Variants in ZNF676 observed in about 807,000 individuals in gnomAD.
The protein encoded by ZNF676 is zinc finger protein 676.
Under a neutral mutation model 6.0 loss-of-function variants are expected in ZNF676, and 4 were observed. The ratio of observed to expected loss-of-function variants is 0.67; its 90% CI spans 0.33 to 1.53. The LOEUF (loss-of-function observed/expected upper bound fraction) is 1.53, where lower values mean the gene tolerates loss of function less well. Among genes scored for constraint, ZNF676 ranks in the 40% most tolerant of loss-of-function variants. The pLI, the probability that ZNF676 is intolerant of heterozygous loss-of-function variation, is 0.06. For missense variants in ZNF676, 644 were observed against 679.7 expected, an observed-to-expected ratio of 0.95 and a Z score of 0.58; for synonymous variants, 198 against 223.1, an observed-to-expected ratio of 0.89 and a Z score of 1.00.
chr19:22,230,818 C>A, the ZNF676 span, among the ~76,000 whole-genome samples: 1 of 151,610 alleles, frequency 6.6e-6, no homozygotes, highest in African/African-American at 2.4e-5. Context: ...GCCACCACAC[C>A]CGGCTAATTT....
At chr19:22,190,666 CAT>C (rs72283278) in intron 2 of ZNF676, among the ~76,000 whole-genome samples, 10,489 of 40,058 alleles carry the variant, frequency 0.26, 1,662 homozygotes, top group African/African-American at 0.44. Context: ...TATATATATA[CAT>C]ACACACTTTA....
the ZNF676 span, among the ~76,000 whole-genome samples, chr19:22,225,917 TG>T: frequency 6.6e-6 from 1 of 152,298 alleles, no homozygotes; most frequent in East Asian, 1.9e-4. Flanking sequence ...AAGTTTTTTT[TG>T]ATGTGCAAAA....
chr19:22,201,844 A>G (rs1034468598), upstream of ZNF676, among the ~76,000 whole-genome samples: 1 of 152,052 alleles, frequency 6.6e-6, no homozygotes, highest in Non-Finnish European at 1.5e-5. Flanking sequence ...GATTGCATAT[A>G]CATCAAGGTT....
At chr19:22,184,826 GAAAAAAAAAAA>G (rs144833243) in intron 2 of ZNF676, among the ~76,000 whole-genome samples, 8 of 52,682 alleles carry the variant, frequency 1.5e-4, no homozygotes, top group East Asian at 5.9e-4. Context: ...GGGCATCTTT[GAAAAAAAAAAA>G]AAAAAAAAAA....
upstream of ZNF676, among the ~76,000 whole-genome samples, chr19:22,198,139 A>G (rs2023989542): frequency 6.6e-6 from 1 of 152,194 alleles, no homozygotes; most frequent in Admixed American, 6.5e-5. Context: ...AAGAACACAG[A>G]TGAAACCACA....
chr19:22,179,605 T>A lies in ZNF676; in HGVS notation c.*345A>T. On this transcript the variant is annotated 3_prime_UTR_variant, in exon 3 of 3. Coordinates refer to ENST00000397121, the MANE Select transcript of ZNF676 (RefSeq NM_001001411.3). ...AACTAATGAAAAGCTTTGCCACGTTTTTCACATTTGTAGGGCTTTTCCTCC... is the reference window on the plus strand; with the variant it reads ...AACTAATGAAAAGCTTTGCCACGTTATTCACATTTGTAGGGCTTTTCCTCC... 1 of 459,404 alleles carries A rather than the reference T, an allele frequency of 2.2e-6. No individual in the cohort carries two copies. Among genetic ancestry groups the A allele is most frequent in the Non-Finnish European group, 4.2e-6 (1 of 240,562 alleles). 28.5% of individuals were successfully genotyped at this position (459,404 alleles called of 1,614,324 possible). A position where few individuals can be genotyped will look rare whatever the true frequency, so the allele number is the denominator to read the frequency against.
chr19:22,209,082 T>C (rs1165813924), intron 1 of ZNF676, among the ~76,000 whole-genome samples: 1 of 152,120 alleles, frequency 6.6e-6, no homozygotes, highest in Non-Finnish European at 1.5e-5. Flanking sequence ...CTGGCCAACA[T>C]GGCAAAACCC....
chr19:22,229,110 G>C, the ZNF676 span, among the ~76,000 whole-genome samples: 3 of 152,070 alleles, frequency 2.0e-5, no homozygotes, highest in Admixed American at 1.3e-4. Context: ...ATTGTAAAAG[G>C]CTACAGTAAC....
chr19:22,240,115 C>A, the ZNF676 span, among the ~76,000 whole-genome samples: 1 of 152,152 alleles, frequency 6.6e-6, no homozygotes, highest in African/African-American at 2.4e-5. Flanking sequence ...CCATATGTCA[C>A]AATCCCCACG....
the ZNF676 span, among the ~76,000 whole-genome samples, chr19:22,249,830 A>C: frequency 6.6e-6 from 1 of 152,074 alleles, no homozygotes; most frequent in East Asian, 1.9e-4. Flanking sequence ...CGTTTATGAA[A>C]ATCTTGCCTT....
the ZNF676 span, among the ~76,000 whole-genome samples, chr19:22,238,278 C>A: frequency 4.0e-3 from 610 of 152,226 alleles, 4 homozygotes; most frequent in African/African-American, 0.014. Flanking sequence ...TCTTGAACTC[C>A]TGAACTCGTG....
chr19:22,179,628 T>C lies in ZNF676; in HGVS notation c.*322A>G. ...TTTTTCACATTTGTAGGGCTTTTCCTCCAGTATGAATTCTTTTATGAGTAG... is the reference window on the plus strand; with the variant it reads ...TTTTTCACATTTGTAGGGCTTTTCCCCCAGTATGAATTCTTTTATGAGTAG... On this transcript the variant is annotated 3_prime_UTR_variant, in exon 3 of 3. Coordinates refer to ENST00000397121, the MANE Select transcript of ZNF676 (RefSeq NM_001001411.3). 1 of 513,094 alleles carries C rather than the reference T, an allele frequency of 1.9e-6. No homozygotes were observed. The highest frequency in any genetic ancestry group is 3.6e-6 in the Non-Finnish European group (1 of 274,110). The allele number at this position is 513,094 out of a possible 1,614,324, so 31.8% of individuals were successfully genotyped here.
chr19:22,223,721 G>A, the ZNF676 span, among the ~76,000 whole-genome samples: 1 of 151,646 alleles, frequency 6.6e-6, no homozygotes, highest in South Asian at 2.1e-4. Flanking sequence ...TTTGCTGCAG[G>A]CAGAAAGGAA....
At chr19:22,249,027 G>T in the ZNF676 span, among the ~76,000 whole-genome samples, 1 of 152,176 alleles carries the variant, frequency 6.6e-6, no homozygotes, top group African/African-American at 2.4e-5. Flanking sequence ...ACCACACCCG[G>T]CCATGTGTGA....
At chr19:22,246,596 G>A in the ZNF676 span, among the ~76,000 whole-genome samples, 4 of 152,184 alleles carry the variant, frequency 2.6e-5, no homozygotes, top group Non-Finnish European at 5.9e-5. Flanking sequence ...TCTGGTATGA[G>A]AGAAGAGTCA....
chr19:22,246,717 A>G, the ZNF676 span, among the ~76,000 whole-genome samples: 1 of 152,204 alleles, frequency 6.6e-6, no homozygotes, highest in Non-Finnish European at 1.5e-5. Flanking sequence ...ACGTATCACA[A>G]TTACCCTAGA....
At chr19:22,213,422 G>A (rs1232090634) in intron 1 of ZNF676, among the ~76,000 whole-genome samples, 1 of 152,108 alleles carries the variant, frequency 6.6e-6, no homozygotes, top group Non-Finnish European at 1.5e-5. Context: ...AGCTGGGTTG[G>A]GTAAAGACAA....
In ZNF676 at chr19:22,181,453, C is replaced by T. The variant is rs2023750153; in HGVS notation, c.264G>A (p.Val88=). The change falls in exon 3 of 3, where the codon GTG becomes GTA. Residue 88 remains valine, a synonymous_variant. Transcript: ENST00000397121. The part of the protein sequence containing the change: ...NLHLKISCTN[V]DECNVHKEGY... The stretch of plus-strand genomic sequence containing the variant: ...CTTCTTTGTGCACGTTACACTCATC[C>T]ACATTGGTACAACTAATTTTTAAGT... The T allele has an allele frequency of 6.2e-7, 1 of 1,613,498 alleles. No individual in the cohort carries two copies. The highest frequency in any genetic ancestry group is 1.1e-5 in the South Asian group (1 of 91,048).
chr19:22,236,001 CTG>C, the ZNF676 span, among the ~76,000 whole-genome samples: 1 of 150,938 alleles, frequency 6.6e-6, no homozygotes, highest in South Asian at 2.1e-4. Context: ...CGATAATCCA[CTG>C]TCATTCTCCA....
Sources: gnomAD v4.1 joint callset for allele counts (sites outside exome capture counted in the v4.1 genomes callset) on GRCh38, gnomAD v4.1.1 for gene constraint, MANE v1.5 for transcripts, NCBI Gene and HGNC (gene_info 2026-07-23, HGNC 2026-07-21) for gene names.